Variants in TRPM3 observed in about 807,000 individuals in gnomAD.
TRPM3 encodes the protein long transient receptor potential channel 3.
A neutral mutation model predicts 181.2 loss-of-function variants in TRPM3; 77 were observed. That is an observed-to-expected ratio of 0.42 (90% CI 0.35 to 0.51). The LOEUF (loss-of-function observed/expected upper bound fraction) is 0.51. TRPM3 is among the 20% of genes least tolerant of loss of function. The pLI, the probability that TRPM3 is intolerant of heterozygous loss-of-function variation, is 0.01. For synonymous variants in TRPM3, 745 were observed against 796.4 expected (o/e 0.94, Z 1.09); for missense variants, 1,759 against 2,196.7 (o/e 0.80, Z 3.98).
chr9:70,833,481 G>A (rs1269207729), intron 5 of TRPM3, among the ~76,000 whole-genome samples: 2 of 152,088 alleles, frequency 1.3e-5, no homozygotes. Flanking sequence ...ATCACTTATT[G>A]CATGCCAGGC....
intron 25 of TRPM3, among the ~76,000 whole-genome samples, chr9:70,546,002 A>G (rs1251590834): frequency 6.6e-6 from 1 of 152,182 alleles, no homozygotes; most frequent in Non-Finnish European, 1.5e-5. Flanking sequence ...ACCTCCTCCT[A>G]TGCAGGCCTT....
At chr9:71,274,634 T>C (rs1218242884) in intron 1 of TRPM3, among the ~76,000 whole-genome samples, 3 of 152,220 alleles carry the variant, frequency 2.0e-5, no homozygotes, top group Non-Finnish European at 4.4e-5. Context: ...AGCCAGCAAA[T>C]GCTCACCTAA....
intron 11 of TRPM3, among the ~76,000 whole-genome samples, chr9:70,638,408 T>C (rs1253618429): frequency 1.3e-5 from 2 of 152,194 alleles, no homozygotes. Flanking sequence ...TTTCTGCTCT[T>C]TAAACTTCAC....
chr9:71,390,071 C>T (rs557477571), intron 1 of TRPM3, among the ~76,000 whole-genome samples: 1 of 152,096 alleles, frequency 6.6e-6, no homozygotes, highest in East Asian at 1.9e-4. Flanking sequence ...CTACATTCTC[C>T]AGATATGACA....
At chr9:70,855,833 C>T (rs1668037150) in intron 3 of TRPM3, among the ~76,000 whole-genome samples, 1 of 151,988 alleles carries the variant, frequency 6.6e-6, no homozygotes, top group South Asian at 2.1e-4. Flanking sequence ...GGGCCTTGTG[C>T]TTTGCATCAA....
At chr9:71,441,559 C>T (rs546699369) in intron 1 of TRPM3, among the ~76,000 whole-genome samples, 15 of 152,110 alleles carry the variant, frequency 9.9e-5, no homozygotes, top group African/African-American at 3.6e-4. Context: ...GACCTACTAG[C>T]CACGTAATCC....
chr9:71,438,969 A>G (rs2094091651), intron 1 of TRPM3, among the ~76,000 whole-genome samples: 1 of 152,234 alleles, frequency 6.6e-6, no homozygotes, highest in African/African-American at 2.4e-5. Flanking sequence ...TTTTATAACT[A>G]CAATCTATTT....
At position 70,784,208 on chromosome 9, in the gene TRPM3, C is replaced by T; in HGVS notation, c.1045G>A (p.Glu349Lys). 6.2e-7 allele frequency: 1 copy of T among 1,613,622 alleles called. No individual in the cohort carries two copies. Among genetic ancestry groups the T allele is most frequent in the Non-Finnish European group, 8.5e-7 (1 of 1,179,780 alleles). ...GGPNVISIVL[E>K]YLRDTPPVPV... ...ACGGGAGGGGTGTCTCGAAGGTACT[C>T]CAAAACAATCGAGATCACATTGGGT... The change falls in exon 7 of 26, where the codon GAG becomes AAG. Residue 349 changes from glutamate (E) to lysine (K), a missense_variant. Physicochemically the swap from Glu to Lys is moderately conservative, Grantham distance 56. Coordinates refer to ENST00000677713, the MANE Select transcript of TRPM3 (RefSeq NM_001366145.2).
intron 1 of TRPM3, among the ~76,000 whole-genome samples, chr9:71,300,220 GTAAAAACTTAAATA>G (rs2086646962): frequency 6.6e-6 from 1 of 152,054 alleles, no homozygotes; most frequent in Non-Finnish European, 1.5e-5. Context: ...CATTAACTTT[GTAAAAACTTAAATA>G]TAATCTCGTT....
chr9:71,021,417 A>T (rs1231632545), intron 1 of TRPM3, among the ~76,000 whole-genome samples: 1 of 152,226 alleles, frequency 6.6e-6, no homozygotes, highest in African/African-American at 2.4e-5. Context: ...AGTGTGAAGT[A>T]ATCTGAAATG....
At chr9:71,101,999 C>G (rs2068476888) in intron 1 of TRPM3, among the ~76,000 whole-genome samples, 1 of 152,172 alleles carries the variant, frequency 6.6e-6, no homozygotes, top group Non-Finnish European at 1.5e-5. Context: ...GCTCTGAACA[C>G]CAAATCTGTG....
In TRPM3 at chr9:71,215,047, CAAAAAA is replaced by C. The variant is rs72383590; in HGVS notation, c.183+231600_183+231605del. Among the ~76,000 whole-genome samples, 20 of 112,564 alleles carry C rather than the reference CAAAAAA, an allele frequency of 1.8e-4. 1 individual carries two copies. The highest frequency in any genetic ancestry group is 2.2e-4 in the Non-Finnish European group (12 of 53,956). The allele number at this position is 112,564 out of a possible 152,430, so 73.8% of individuals were successfully genotyped here. ...TCACCAAAAAACAAAAAAAAAAAAACAAAAAAAAAAAAAAACAACAACCCAAAACTG... is the reference window on the plus strand; with the variant it reads ...TCACCAAAAAACAAAAAAAAAAAAACAAAAAAAAACAACAACCCAAAACTG... On this transcript the variant is annotated intron_variant, in intron 1 of 24. Transcript: ENST00000357533.
At chr9:70,830,414 C>T (rs969195291) in intron 5 of TRPM3, among the ~76,000 whole-genome samples, 2 of 152,140 alleles carry the variant, frequency 1.3e-5, no homozygotes, top group African/African-American at 2.4e-5. Flanking sequence ...CATAGCTCAG[C>T]GGCTCTTTGG....
intron 1 of TRPM3, among the ~76,000 whole-genome samples, chr9:70,990,859 C>T (rs1172936012): frequency 1.3e-5 from 2 of 152,186 alleles, no homozygotes; most frequent in African/African-American, 4.8e-5. Context: ...TCACTCCTGA[C>T]ATAGGCTTCC....
At position 71,215,820 on chromosome 9, in the gene TRPM3, T is replaced by C. The variant is rs375248127; in HGVS notation, c.183+230833A>G. Among the ~76,000 whole-genome samples the C allele has an allele frequency of 3.9e-5, 6 of 152,322 alleles. 1 individual carries two copies. In the South Asian group the frequency reaches 1.0e-3, roughly 26 times the overall value. ...CTAGGACCATTCTGTTTGTGCTTAA[T>C]GCCAGGATGAACAGACAGTTCAGGG... is the stretch of plus-strand genomic sequence containing the variant. On this transcript the variant is annotated intron_variant, in intron 1 of 24. Transcript: ENST00000357533.
intron 1 of TRPM3, among the ~76,000 whole-genome samples, chr9:71,339,014 G>A (rs1043305980): frequency 6.6e-6 from 1 of 152,024 alleles, no homozygotes; most frequent in African/African-American, 2.4e-5. Flanking sequence ...AAAAGAATCA[G>A]ATAATGTAGC....
At chr9:70,959,777 T>G (rs1159934178) in intron 1 of TRPM3, among the ~76,000 whole-genome samples, 1 of 152,160 alleles carries the variant, frequency 6.6e-6, no homozygotes, top group African/African-American at 2.4e-5. Flanking sequence ...TTCCCGTCCC[T>G]TTTAGATTGC....
chr9:71,126,742 T>C (rs928006906), intron 1 of TRPM3, among the ~76,000 whole-genome samples: 1 of 152,222 alleles, frequency 6.6e-6, no homozygotes. Flanking sequence ...ACTACAATTG[T>C]TATCTATTCA....
intron 1 of TRPM3, among the ~76,000 whole-genome samples, chr9:71,408,231 CA>C: frequency 6.6e-6 from 1 of 152,318 alleles, no homozygotes; most frequent in Non-Finnish European, 1.5e-5. Context: ...AGAAACAGAA[CA>C]AAGCAGGATG....
Sources: gnomAD v4.1 joint callset for allele counts (sites outside exome capture counted in the v4.1 genomes callset) on GRCh38, gnomAD v4.1.1 for gene constraint, MANE v1.5 for transcripts, NCBI Gene and HGNC (gene_info 2026-07-23, HGNC 2026-07-21) for gene names.